The following SNTG1 variants were observed in gnomAD, a reference collection of about 807,000 sequenced individuals.
The protein encoded by SNTG1 is gamma-1-syntrophin.
SNTG1 carries 39 observed loss-of-function variants against 74.7 expected under a neutral mutation model. The observed-to-expected ratio is 0.52, with a 90% CI of 0.40 to 0.68. The LOEUF is 0.68. SNTG1 is among the 30% of genes least tolerant of loss of function. The pLI is 0.00. For missense variants in SNTG1, 685 were observed against 609.5 expected (o/e 1.12, Z -1.30); for synonymous variants, 254 against 217.1 (o/e 1.17, Z -1.49).
intron 8 of SNTG1, among the ~76,000 whole-genome samples, chr8:50,476,845 G>C (rs924711576): frequency 2.7e-5 from 2 of 74,860 alleles, no homozygotes; most frequent in Non-Finnish European, 2.9e-5. Flanking sequence ...AAATGAGCCT[G>C]TGACACACAC....
At chr8:50,584,512 CTTT>C (rs34546157) in intron 12 of SNTG1, among the ~76,000 whole-genome samples, 130 of 126,770 alleles carry the variant, frequency 1.0e-3, no homozygotes, top group African/African-American at 3.1e-3. Context: ...TTCTCTGATT[CTTT>C]TTTTTTTTTT....
At chr8:49,946,150 T>G (rs1303673745) in intron 1 of SNTG1, among the ~76,000 whole-genome samples, 1 of 152,182 alleles carries the variant, frequency 6.6e-6, no homozygotes, top group Non-Finnish European at 1.5e-5. Flanking sequence ...ATGTAGGAAG[T>G]ACTTTCCTAA....
intron 1 of SNTG1, among the ~76,000 whole-genome samples, chr8:50,168,581 A>G (rs2082703587): frequency 6.6e-6 from 1 of 152,198 alleles, no homozygotes; most frequent in Non-Finnish European, 1.5e-5. Flanking sequence ...ATATATGTAT[A>G]TATGTATGTT....
chr8:50,500,585 A>AATATGAC (rs551578195), intron 8 of SNTG1, among the ~76,000 whole-genome samples: 154 of 152,272 alleles, frequency 1.0e-3, no homozygotes, highest in Non-Finnish European at 1.7e-3. Flanking sequence ...TCTGATTCTC[A>AATATGAC]ATATGACATA....
At chr8:50,699,146 GC>G (rs2095415012) in intron 15 of SNTG1, among the ~76,000 whole-genome samples, 1 of 151,956 alleles carries the variant, frequency 6.6e-6, no homozygotes, top group South Asian at 2.1e-4. Context: ...TGTACCCTGT[GC>G]TTTTTTTTAA....
chr8:50,517,748 A>G (rs2094146499), intron 9 of SNTG1, among the ~76,000 whole-genome samples: 1 of 152,220 alleles, frequency 6.6e-6, no homozygotes, highest in Non-Finnish European at 1.5e-5. Flanking sequence ...TGCAACAAGA[A>G]GAGCTAACTA....
chr8:50,209,603 C>T (rs941931657), intron 2 of SNTG1, among the ~76,000 whole-genome samples: 1 of 152,184 alleles, frequency 6.6e-6, no homozygotes, highest in African/African-American at 2.4e-5. Flanking sequence ...GATACCCAGG[C>T]AAACAGAGTC....
intron 2 of SNTG1, among the ~76,000 whole-genome samples, chr8:50,258,559 TTAAC>T (rs1443968265): frequency 6.6e-6 from 1 of 152,104 alleles, no homozygotes; most frequent in African/African-American, 2.4e-5. Flanking sequence ...TAATATCTAA[TTAAC>T]TAGAGAATAT....
At chr8:50,326,012 G>A (rs940333791) in intron 2 of SNTG1, among the ~76,000 whole-genome samples, 4 of 151,930 alleles carry the variant, frequency 2.6e-5, no homozygotes, top group Non-Finnish European at 5.9e-5. Flanking sequence ...ATTAGCTTGT[G>A]AATATGATAA....
intron 13 of SNTG1, among the ~76,000 whole-genome samples, chr8:50,599,271 A>G (rs920926094): frequency 6.6e-6 from 1 of 152,164 alleles, no homozygotes; most frequent in Non-Finnish European, 1.5e-5. Context: ...ATATCTCTAT[A>G]GTATAATTAG....
At chr8:50,205,898 G>A (rs574123016) in intron 2 of SNTG1, among the ~76,000 whole-genome samples, 179 of 152,220 alleles carry the variant, frequency 1.2e-3, no homozygotes, top group African/African-American at 4.1e-3. Context: ...TATTATTCCT[G>A]AGGGCTCTGT....
At chr8:50,459,405 T>A (rs1289607986) in intron 8 of SNTG1, among the ~76,000 whole-genome samples, 3 of 152,208 alleles carry the variant, frequency 2.0e-5, no homozygotes, top group African/African-American at 7.2e-5. Context: ...TTTATTTGAA[T>A]CATCATAAGA....
intron 1 of SNTG1, among the ~76,000 whole-genome samples, chr8:50,107,712 A>G (rs532468877): frequency 6.6e-5 from 10 of 151,814 alleles, no homozygotes; most frequent in Non-Finnish European, 4.4e-5. Context: ...AAACATGCCC[A>G]GCTAATTTTC....
At chr8:50,508,933 C>T (rs1445779375) in intron 9 of SNTG1, among the ~76,000 whole-genome samples, 2 of 152,180 alleles carry the variant, frequency 1.3e-5, no homozygotes, top group South Asian at 2.1e-4. Context: ...AATTAGATCC[C>T]ATTTGTCAAT....
At chr8:49,947,956 C>A (rs755929909) in intron 1 of SNTG1, among the ~76,000 whole-genome samples, 1 of 152,016 alleles carries the variant, frequency 6.6e-6, no homozygotes, top group Admixed American at 6.6e-5. Flanking sequence ...CATGGTGAAA[C>A]CCCCTCTCTA....
intron 1 of SNTG1, among the ~76,000 whole-genome samples, chr8:49,917,020 A>T (rs1394172696): frequency 7.5e-6 from 1 of 133,454 alleles, no homozygotes; most frequent in African/African-American, 2.5e-5. Context: ...CTATCTCAAA[A>T]AAATATATAT....
chr8:50,597,643 A>G (rs2094740407), intron 13 of SNTG1, among the ~76,000 whole-genome samples: 1 of 151,976 alleles, frequency 6.6e-6, no homozygotes, highest in African/African-American at 2.4e-5. Context: ...TGTTTTCCAT[A>G]ATGGGTGTAC....
chr8:50,654,679 A>G (rs567149460), intron 13 of SNTG1, among the ~76,000 whole-genome samples: 4 of 152,278 alleles, frequency 2.6e-5, no homozygotes, highest in African/African-American at 9.6e-5. Flanking sequence ...ATATATTGAC[A>G]TAAGTAATGT....
intron 18 of SNTG1, among the ~76,000 whole-genome samples, chr8:50,782,185 G>T (rs2131835789): frequency 6.6e-6 from 1 of 152,190 alleles, no homozygotes; most frequent in Admixed American, 6.5e-5. Flanking sequence ...TATGTGTCTT[G>T]GAGTTGCTCT....
Sources: allele counts gnomAD v4.1 joint callset (sites outside exome capture counted in the v4.1 genomes callset), GRCh38; gene constraint gnomAD v4.1.1; transcripts MANE v1.5; gene names NCBI Gene and HGNC (gene_info 2026-07-23, HGNC 2026-07-21).